PPARGC1A: variants seen among roughly 807,000 people sequenced by gnomAD.
The protein encoded by PPARGC1A is PPARG coactivator 1 alpha.
PPARGC1A carries 25 observed loss-of-function variants against 88.7 expected under a neutral mutation model. The ratio of observed to expected loss-of-function variants is 0.28; its 90% confidence interval spans 0.21 to 0.39. The LOEUF (loss-of-function observed/expected upper bound fraction) is 0.39. Among genes scored for constraint, PPARGC1A ranks in the 10% least tolerant of loss-of-function variants. The pLI is 1.00. For missense variants in PPARGC1A, 880 were observed against 968.7 expected (o/e 0.91, Z 1.22); for synonymous variants, 363 against 355.6 (o/e 1.02, Z -0.24).
chr4:23,820,709 A>G (rs1722863056), intron 7 of PPARGC1A: 1 of 339,086 alleles, frequency 2.9e-6, no homozygotes, highest in Middle Eastern at 3.9e-4. Flanking sequence ...AAGTCAGACC[A>G]GCTGGCAATA....
the PPARGC1A span, among the ~76,000 whole-genome samples, chr4:24,405,941 C>T: frequency 3.4e-4 from 51 of 151,736 alleles, no homozygotes; most frequent in Admixed American, 2.3e-3. Context: ...TTCTTTTCTT[C>T]CTCCCCACTC....
chr4:24,069,780 T>G, the PPARGC1A span, among the ~76,000 whole-genome samples: 1 of 152,368 alleles, frequency 6.6e-6, no homozygotes, highest in East Asian at 1.9e-4. Context: ...TGTATGTATC[T>G]TCATCCATCC....
the PPARGC1A span, among the ~76,000 whole-genome samples, chr4:24,262,977 G>A: frequency 6.6e-6 from 1 of 152,184 alleles, no homozygotes; most frequent in East Asian, 1.9e-4. Flanking sequence ...CACTGGAATA[G>A]CTGAGATTTG....
chr4:24,018,410 C>T, the PPARGC1A span, among the ~76,000 whole-genome samples: 4,017 of 152,226 alleles, frequency 0.026, 91 homozygotes, highest in Non-Finnish European at 0.042. Flanking sequence ...TCTTTCTGCA[C>T]ATAGCCATTT....
chr4:24,394,834 C>G, the PPARGC1A span, among the ~76,000 whole-genome samples: 1 of 152,096 alleles, frequency 6.6e-6, no homozygotes, highest in Non-Finnish European at 1.5e-5. Context: ...TTCAGAGATG[C>G]TAAAATGTGG....
the PPARGC1A span, among the ~76,000 whole-genome samples, chr4:24,181,507 G>C: frequency 6.6e-6 from 1 of 152,096 alleles, no homozygotes; most frequent in Non-Finnish European, 1.5e-5. Flanking sequence ...ACTATTGTAG[G>C]TAATTATGAT....
At chr4:24,368,627 T>C in the PPARGC1A span, among the ~76,000 whole-genome samples, 1 of 152,142 alleles carries the variant, frequency 6.6e-6, no homozygotes, top group African/African-American at 2.4e-5. Context: ...ATTCTATACA[T>C]TTGTACCATA....
the PPARGC1A span, among the ~76,000 whole-genome samples, chr4:24,363,221 CA>C: frequency 1.3e-5 from 2 of 152,146 alleles, no homozygotes; most frequent in Non-Finnish European, 2.9e-5. Context: ...CACATTTCAT[CA>C]GAGAAAAATT....
At chr4:24,164,136 T>G in the PPARGC1A span, among the ~76,000 whole-genome samples, 1 of 152,212 alleles carries the variant, frequency 6.6e-6, no homozygotes, top group African/African-American at 2.4e-5. Context: ...TTCTCTGATA[T>G]TAGCTCTTAA....
intron 1 of PPARGC1A, among the ~76,000 whole-genome samples, chr4:23,887,451 T>C (rs1373478141): frequency 6.6e-6 from 1 of 152,230 alleles, no homozygotes; most frequent in Non-Finnish European, 1.5e-5. Flanking sequence ...TGTTTCCCTA[T>C]ACCTCTGTAA....
At chr4:23,913,242 TTATA>T in the PPARGC1A span, among the ~76,000 whole-genome samples, 3,958 of 94,382 alleles carry the variant, frequency 0.042, 101 homozygotes, top group Middle Eastern at 0.077. Flanking sequence ...ATTATATATT[TTATA>T]TATATATATA....
At chr4:24,368,781 A>G in the PPARGC1A span, among the ~76,000 whole-genome samples, 1 of 152,216 alleles carries the variant, frequency 6.6e-6, no homozygotes, top group Non-Finnish European at 1.5e-5. Context: ...CATGAAAGAC[A>G]GGACTTTCCT....
intron 2 of PPARGC1A, among the ~76,000 whole-genome samples, chr4:23,875,443 T>C (rs1005057607): frequency 7.2e-5 from 11 of 152,070 alleles, no homozygotes; most frequent in African/African-American, 2.4e-4. Flanking sequence ...CCTGTATCTC[T>C]TTCTACTTTT....
At chr4:23,896,907 C>A (rs1484012624) in intron 1 of PPARGC1A, among the ~76,000 whole-genome samples, 1 of 152,032 alleles carries the variant, frequency 6.6e-6, no homozygotes, top group Non-Finnish European at 1.5e-5. Flanking sequence ...TTGATTTGAC[C>A]AGGAAAATGC....
the PPARGC1A span, among the ~76,000 whole-genome samples, chr4:24,308,510 T>C: frequency 6.6e-6 from 1 of 152,098 alleles, no homozygotes; most frequent in African/African-American, 2.4e-5. Context: ...CCACAGTGGA[T>C]AGCATGGGAT....
chr4:24,232,132 G>T, the PPARGC1A span, among the ~76,000 whole-genome samples: 1 of 151,716 alleles, frequency 6.6e-6, no homozygotes, highest in Non-Finnish European at 1.5e-5. Context: ...GGCATGTGAC[G>T]TGACTGGATT....
At chr4:24,462,575 G>A in the PPARGC1A span, among the ~76,000 whole-genome samples, 1 of 151,756 alleles carries the variant, frequency 6.6e-6, no homozygotes, top group Non-Finnish European at 1.5e-5. Context: ...ATCTCTCTGG[G>A]CCTCAGTTTC....
At chr4:24,217,915 G>T in the PPARGC1A span, among the ~76,000 whole-genome samples, 1 of 152,122 alleles carries the variant, frequency 6.6e-6, no homozygotes, top group Non-Finnish European at 1.5e-5. Flanking sequence ...TTTAGCTAAG[G>T]TGTAGTCTTC....
At chr4:24,019,074 T>C in the PPARGC1A span, among the ~76,000 whole-genome samples, 1 of 152,156 alleles carries the variant, frequency 6.6e-6, no homozygotes, top group African/African-American at 2.4e-5. Context: ...ATACTCTTCT[T>C]CCACTAAATA....
Sources: allele counts gnomAD v4.1 joint callset (sites outside exome capture counted in the v4.1 genomes callset), GRCh38; gene constraint gnomAD v4.1.1; transcripts MANE v1.5; gene names NCBI Gene and HGNC (gene_info 2026-07-23, HGNC 2026-07-21).